Variants in C12orf42 observed in about 807,000 individuals in gnomAD.
C12orf42 encodes the protein chromosome 12 open reading frame 42.
Under a neutral mutation model 21.6 loss-of-function variants are expected in C12orf42, and 25 were observed. The observed-to-expected ratio is 1.16, with a 90% CI of 0.84 to 1.62. The LOEUF is 1.62. C12orf42 is among the 40% of genes most tolerant of loss of function. The pLI is 0.00. For missense variants in C12orf42, 483 were observed against 459.3 expected, an observed-to-expected ratio of 1.05 and a Z score of -0.47; for synonymous variants, 174 against 175.0, an observed-to-expected ratio of 0.99 and a Z score of 0.05.
At chr12:103,352,765 C>T (rs2043205151) in intron 4 of C12orf42, among the ~76,000 whole-genome samples, 1 of 152,078 alleles carries the variant, frequency 6.6e-6, no homozygotes, top group Non-Finnish European at 1.5e-5. Context: ...AATGCAACCA[C>T]TTATTTTATC....
At chr12:103,554,562 T>C in the C12orf42 span, among the ~76,000 whole-genome samples, 1 of 150,150 alleles carries the variant, frequency 6.7e-6, no homozygotes, top group Non-Finnish European at 1.5e-5. Flanking sequence ...TATCTGAGAC[T>C]GGGTAATTTA....
intron 4 of C12orf42, among the ~76,000 whole-genome samples, chr12:103,321,878 G>A (rs994139960): frequency 1.3e-5 from 2 of 151,666 alleles, no homozygotes; most frequent in Non-Finnish European, 2.9e-5. Context: ...GGTGGGGGAA[G>A]GGGGGAGGGA....
At chr12:103,360,438 C>A (rs1360238683) in intron 4 of C12orf42, among the ~76,000 whole-genome samples, 1 of 151,924 alleles carries the variant, frequency 6.6e-6, no homozygotes, top group Non-Finnish European at 1.5e-5. Context: ...CCTCCTCAAT[C>A]CCAGCATGCC....
chr12:103,556,855 G>A, the C12orf42 span, among the ~76,000 whole-genome samples: 76 of 150,892 alleles, frequency 5.0e-4, no homozygotes, highest in Non-Finnish European at 4.3e-4. Context: ...AGTGTCCTTA[G>A]AAGAGACACA....
At chr12:103,294,291 AGAG>A (rs1282012072) in intron 4 of C12orf42, among the ~76,000 whole-genome samples, 1 of 151,544 alleles carries the variant, frequency 6.6e-6, no homozygotes, top group Non-Finnish European at 1.5e-5. Context: ...TGATTCCCAT[AGAG>A]GAGGGAAAAC....
chr12:103,169,345 A>G, the C12orf42 span, among the ~76,000 whole-genome samples: 74,282 of 151,498 alleles, frequency 0.49, 18,474 homozygotes, highest in East Asian at 0.67. Context: ...CTGGGAACCG[A>G]GAGACCCATT....
chr12:103,447,656 G>C (rs907636269), intron 2 of C12orf42, among the ~76,000 whole-genome samples: 4 of 151,842 alleles, frequency 2.6e-5, no homozygotes, highest in African/African-American at 9.7e-5. Flanking sequence ...CAGTGACCAA[G>C]CTGAGAATCA....
At chr12:103,188,192 C>A in the C12orf42 span, among the ~76,000 whole-genome samples, 1 of 152,148 alleles carries the variant, frequency 6.6e-6, no homozygotes, top group African/African-American at 2.4e-5. Flanking sequence ...GGAGACAATT[C>A]CCAGAGTTTT....
chr12:103,232,904 T>A (rs2033347102), downstream of C12orf42, among the ~76,000 whole-genome samples: 1 of 152,194 alleles, frequency 6.6e-6, no homozygotes, highest in Non-Finnish European at 1.5e-5. Context: ...TGAGTTTTTT[T>A]ATTGATACAT....
At chr12:103,103,225 G>A in the C12orf42 span, among the ~76,000 whole-genome samples, 14 of 152,166 alleles carry the variant, frequency 9.2e-5, no homozygotes, top group African/African-American at 3.4e-4. Context: ...ATCAGGAAGT[G>A]GAAAGCTTGG....
the C12orf42 span, among the ~76,000 whole-genome samples, chr12:103,120,475 T>C: frequency 6.6e-6 from 1 of 152,124 alleles, no homozygotes; most frequent in African/African-American, 2.4e-5. Context: ...AAGAGCATGC[T>C]AGAGGTAAGA....
the C12orf42 span, among the ~76,000 whole-genome samples, chr12:103,181,477 G>A: frequency 6.6e-6 from 1 of 152,096 alleles, no homozygotes; most frequent in Admixed American, 6.5e-5. Context: ...CAAAATAGAT[G>A]TCCCTCTACA....
intron 4 of C12orf42, among the ~76,000 whole-genome samples, chr12:103,322,797 AT>A (rs558222074): frequency 1.4e-4 from 21 of 152,354 alleles, no homozygotes; most frequent in African/African-American, 4.8e-4. Flanking sequence ...TCTTAAAAAA[AT>A]GGGATGCTTA....
At chr12:103,244,086 A>G (rs1447579781) in intron 10 of C12orf42, among the ~76,000 whole-genome samples, 2 of 152,134 alleles carry the variant, frequency 1.3e-5, no homozygotes, top group Admixed American at 6.6e-5. Context: ...AAAAATAGGA[A>G]TCTGACCTCA....
At chr12:103,470,408 C>T (rs1953499674) in intron 2 of C12orf42, among the ~76,000 whole-genome samples, 1 of 152,208 alleles carries the variant, frequency 6.6e-6, no homozygotes, top group South Asian at 2.1e-4. Flanking sequence ...ATATAAATGA[C>T]TCCTCGTGGT....
At chr12:103,219,088 G>A in the C12orf42 span, among the ~76,000 whole-genome samples, 10 of 152,194 alleles carry the variant, frequency 6.6e-5, no homozygotes, top group Admixed American at 2.0e-4. Context: ...CTGGAAAGGG[G>A]GCTGAAGCCA....
chr12:103,167,912 GTTTGTGTC>G, the C12orf42 span: 15 of 237,272 alleles, frequency 6.3e-5, no homozygotes, highest in East Asian at 1.4e-3. Flanking sequence ...GTGTGTGTGT[GTTTGTGTC>G]TGTGTGTGTG....
upstream of C12orf42, among the ~76,000 whole-genome samples, chr12:103,496,405 TG>T (rs1955547890): frequency 6.6e-6 from 1 of 152,126 alleles, no homozygotes; most frequent in South Asian, 2.1e-4. Flanking sequence ...AGTGGCCATT[TG>T]GGGATACTTT....
At chr12:103,364,138 C>G (rs2044371988) in intron 4 of C12orf42, among the ~76,000 whole-genome samples, 1 of 152,056 alleles carries the variant, frequency 6.6e-6, no homozygotes, top group Non-Finnish European at 1.5e-5. Flanking sequence ...GACATTATAT[C>G]AAGTACTCTC....
Sources: gnomAD v4.1 joint callset for allele counts (sites outside exome capture counted in the v4.1 genomes callset) on GRCh38, gnomAD v4.1.1 for gene constraint, MANE v1.5 for transcripts, NCBI Gene and HGNC (gene_info 2026-07-23, HGNC 2026-07-21) for gene names.